Variants in BRD4 observed in about 807,000 individuals in gnomAD.
The protein encoded by BRD4 is bromodomain-containing protein 4.
Under a neutral mutation model 142.1 loss-of-function variants are expected in BRD4, and 16 were observed. The ratio of observed to expected loss-of-function variants is 0.11; its 90% CI spans 0.08 to 0.17. The LOEUF is 0.17. Among genes scored for constraint, BRD4 ranks in the 10% least tolerant of loss-of-function variants. The pLI is 1.00. For missense variants in BRD4, 1,424 were observed against 1,810.9 expected (o/e 0.79, Z 3.88); for synonymous variants, 833 against 707.5 (o/e 1.18, Z -2.82).
At chr19:15,280,180 G>C in intron 1 of BRD4, 1 of 874,318 alleles carries the variant, frequency 1.1e-6, no homozygotes, top group Non-Finnish European at 1.4e-6. Context: ...GACAGAGGCA[G>C]AGTGGATGGT....
chr19:15,248,651 G>C (rs574337313), intron 11 of BRD4: 17 of 227,912 alleles, frequency 7.5e-5, no homozygotes, highest in East Asian at 6.3e-4. Flanking sequence ...AAAAGGCTCA[G>C]AGTCAGCGGT....
chr19:15,330,668 G>A (rs2048149123), intron 1 of BRD4, among the ~76,000 whole-genome samples: 1 of 152,238 alleles, frequency 6.6e-6, no homozygotes, highest in East Asian at 1.9e-4. Flanking sequence ...TCGAGAGGCT[G>A]AGACAGGAGA....
At chr19:15,280,085 C>T (rs2047690853) in intron 1 of BRD4, among the ~76,000 whole-genome samples, 1 of 152,252 alleles carries the variant, frequency 6.6e-6, no homozygotes, top group Non-Finnish European at 1.5e-5. Flanking sequence ...TTATCGAGCA[C>T]TTCATCTGTA....
chr19:15,312,400 G>C (rs545714123), intron 1 of BRD4, among the ~76,000 whole-genome samples: 1 of 152,106 alleles, frequency 6.6e-6, no homozygotes, highest in African/African-American at 2.4e-5. Context: ...CTGGGAGGCC[G>C]AGGCGGGCAG....
intron 1 of BRD4, among the ~76,000 whole-genome samples, chr19:15,281,761 T>C (rs1200771057): frequency 6.6e-6 from 1 of 152,228 alleles, no homozygotes; most frequent in African/African-American, 2.4e-5. Flanking sequence ...CTTACGTCTA[T>C]AATCTCAACA....
Position 15,244,553 on chromosome 19 carries a change from C to T in BRD4, c.2259G>A (p.Val753=). Residue 753 remains valine (V), a synonymous_variant, in exon 13 of 20, where the codon GTG becomes GTA. Coordinates refer to ENST00000679869, the MANE Select transcript of BRD4 (RefSeq NM_001379291.1). ...HQQMQQAPAP[V]PQQPPPPPQQ... ...GGGGAGGCGGGGGCGGCTGCTGGGG[C>T]ACAGGAGCCGGGGCCTGCTGCATCT... 1.3e-5 allele frequency: 21 copies of T among 1,599,734 alleles called. No individual in the cohort carries two copies. The highest frequency in any genetic ancestry group is 1.5e-5 in the Non-Finnish European group (18 of 1,178,468).
intron 2 of BRD4, 101 bp from the exon 3 acceptor site, chr19:15,269,143 C>T: frequency 7.2e-7 from 1 of 1,383,840 alleles, no homozygotes; most frequent in Non-Finnish European, 9.8e-7. Context: ...CTGGCTGCTC[C>T]ACAGGTAAAT....
intron 1 of BRD4, among the ~76,000 whole-genome samples, chr19:15,276,832 T>C (rs1425917914): frequency 6.6e-6 from 1 of 152,058 alleles, no homozygotes. Flanking sequence ...TCCCGAGTGA[T>C]TAGGCAATAC....
At chr19:15,240,151 T>TC in intron 14 of BRD4, 129 bp from the exon 15 acceptor site, 1 of 1,370,512 alleles carries the variant, frequency 7.3e-7, no homozygotes, top group Non-Finnish European at 9.7e-7. Context: ...GGGACAAGGG[T>TC]CCATTAGCCC....
At chr19:15,271,278 C>T (rs1372207124) in intron 2 of BRD4, among the ~76,000 whole-genome samples, 1 of 152,204 alleles carries the variant, frequency 6.6e-6, no homozygotes, top group Admixed American at 6.5e-5. Flanking sequence ...GATGCGTTTC[C>T]CTTCAAAGCC....
chr19:15,249,235 A>C, intron 11 of BRD4: 1 of 1,613,952 alleles, frequency 6.2e-7, no homozygotes, highest in Non-Finnish European at 8.5e-7. Flanking sequence ...GCTGGGAAGG[A>C]ATCTGGAACT....
intron 7 of BRD4, among the ~76,000 whole-genome samples, chr19:15,262,589 G>A (rs896781398): frequency 4.0e-5 from 6 of 151,532 alleles, no homozygotes; most frequent in Non-Finnish European, 8.8e-5. Context: ...TGGGCATGGT[G>A]GTGCAAGCCT....
At chr19:15,331,041 T>C (rs1419585529) in intron 1 of BRD4, among the ~76,000 whole-genome samples, 1 of 152,040 alleles carries the variant, frequency 6.6e-6, no homozygotes, top group Admixed American at 6.6e-5. Context: ...CCAATTCTCG[T>C]GAGGCATACA....
intron 14 of BRD4, among the ~76,000 whole-genome samples, chr19:15,241,390 G>C (rs1032899919): frequency 6.6e-6 from 1 of 152,254 alleles, no homozygotes; most frequent in African/African-American, 2.4e-5. Context: ...TGGGTTCAGA[G>C]GATGGCTCAC....
chr19:15,254,033 AC>A, intron 11 of BRD4, 118 bp downstream of exon 11: 1 of 837,686 alleles, frequency 1.2e-6, no homozygotes, highest in Non-Finnish European at 1.9e-6. Context: ...AGACAGAGGA[AC>A]CCAGCAAGTT....
At chr19:15,254,635 T>C (rs2047386151) in intron 10 of BRD4, among the ~76,000 whole-genome samples, 1 of 152,044 alleles carries the variant, frequency 6.6e-6, no homozygotes, top group African/African-American at 2.4e-5. Context: ...AAAAGGAACA[T>C]GCTGCCAAAA....
intron 1 of BRD4, among the ~76,000 whole-genome samples, chr19:15,305,662 C>T (rs568060128): frequency 6.6e-6 from 1 of 152,238 alleles, no homozygotes; most frequent in South Asian, 2.1e-4. Flanking sequence ...TCTTAAGGTC[C>T]TTGGATATTC....
chr19:15,262,881 T>C (rs1423469011), intron 7 of BRD4, among the ~76,000 whole-genome samples: 2 of 152,224 alleles, frequency 1.3e-5, no homozygotes, highest in Non-Finnish European at 2.9e-5. Context: ...TACACATCTA[T>C]GCTGTAACCT....
rs1187497598 is a variant in BRD4 at position 15,239,066 on chromosome 19, G to A, written c.3775C>T (p.Arg1259Cys). Residue 1259 changes from arginine (R) to cysteine (C), a missense_variant, in exon 18 of 20, where the codon CGC (arginine) becomes TGC (cysteine). Around this residue, in one of 16 missense-constraint regions of BRD4, gnomAD observed 109 missense variants for 117.9 expected, o/e 0.92. Transcript: ENST00000679869. The surrounding 1 kb of genome is among the most constrained non-coding windows in gnomAD (Gnocchi z 7.4). Reference protein sequence around the residue: ...EKEKERLRQERMRSREDEDAL... With the variant: ...EKEKERLRQECMRSREDEDAL... ...ACCCAGACACCCGCCCACCTCATGC[G>A]CTCCTGCCGCAGCCGCTCCTTCTCC... The A allele has an allele frequency of 5.7e-6, 9 of 1,590,888 alleles. No homozygotes were observed. Among genetic ancestry groups the A allele is most frequent in the Non-Finnish European group, 6.8e-6 (8 of 1,172,988 alleles).
Sources: gnomAD v4.1 joint callset for allele counts (sites outside exome capture counted in the v4.1 genomes callset) on GRCh38, gnomAD v4.1.1 for gene constraint, gnomAD v4.1.1 regional missense constraint, Gnocchi (gnomAD v3.1) non-coding constraint, MANE v1.5 for transcripts, NCBI Gene and HGNC (gene_info 2026-07-23, HGNC 2026-07-21) for gene names.